Variants in MRPS9 observed in about 807,000 individuals in gnomAD.
MRPS9 encodes the protein small ribosomal subunit protein uS9m.
Under a neutral mutation model 59.9 loss-of-function variants are expected in MRPS9, and 45 were observed. The observed-to-expected ratio is 0.75, with a 90% CI of 0.59 to 0.96. MRPS9 has a LOEUF of 0.96. MRPS9 is among the 40% of genes least tolerant of loss of function. The pLI is 0.00. For missense variants in MRPS9, 473 were observed against 481.1 expected, an observed-to-expected ratio of 0.98 and a Z score of 0.16; for synonymous variants, 171 against 166.8, an observed-to-expected ratio of 1.03 and a Z score of -0.19.
chr2:105,092,019 A>G (rs955969847), intron 7 of MRPS9: 2 of 165,434 alleles, frequency 1.2e-5, no homozygotes, highest in Non-Finnish European at 2.6e-5. Flanking sequence ...ATATTACTAT[A>G]CATAACTTAC....
intron 2 of MRPS9, among the ~76,000 whole-genome samples, chr2:105,052,880 C>T (rs968132991): frequency 6.6e-6 from 1 of 152,098 alleles, no homozygotes; most frequent in African/African-American, 2.4e-5. Flanking sequence ...ATTGAGTTTA[C>T]TACTAAGATG....
intron 1 of MRPS9, among the ~76,000 whole-genome samples, chr2:105,044,881 A>G (rs747067530): frequency 3.9e-5 from 6 of 152,232 alleles, no homozygotes; most frequent in Non-Finnish European, 8.8e-5. Context: ...ACTGTCAAGG[A>G]CATTTAAAAA....
At chr2:105,059,072 G>GTTTT (rs58396321) in intron 2 of MRPS9, among the ~76,000 whole-genome samples, 1 of 138,312 alleles carries the variant, frequency 7.2e-6, no homozygotes, top group Non-Finnish European at 1.6e-5. Context: ...GTTCTGTGGG[G>GTTTT]TTTTTTTTTT....
At position 105,049,318 on chromosome 2, in the gene MRPS9, G is replaced by GATCCAGAA; in HGVS notation, c.285_292dup (p.Thr98IlefsTer30). ...ACATTTAGCCAACATGATGGGAGAA[G>GATCCAGAA]ATCCAGAAACTTTCACTCAAGAAGA... On this transcript the variant is annotated frameshift_variant, in exon 2 of 11. Transcript: ENST00000258455. LOFTEE classifies it high-confidence loss of function. 1.1e-5 allele frequency: 17 copies of GATCCAGAA among 1,611,334 alleles called. No homozygotes were observed. The highest frequency in any genetic ancestry group is 1.4e-5 in the Non-Finnish European group (17 of 1,179,326).
intron 1 of MRPS9, among the ~76,000 whole-genome samples, chr2:105,046,260 C>T (rs890135955): frequency 6.0e-5 from 8 of 134,394 alleles, no homozygotes; most frequent in Middle Eastern, 3.6e-3. Context: ...GTTAAACCTA[C>T]CGCCTTTTGC....
At chr2:105,071,609 AG>A in intron 4 of MRPS9, 120 bp downstream of exon 4, 2 of 893,096 alleles carry the variant, frequency 2.2e-6, no homozygotes, top group Non-Finnish European at 3.5e-6. Flanking sequence ...GTAGTTGTGA[AG>A]TAGGTCAAAA....
At chr2:105,093,200 T>C (rs1312661679) in intron 8 of MRPS9, among the ~76,000 whole-genome samples, 1 of 152,176 alleles carries the variant, frequency 6.6e-6, no homozygotes, top group African/African-American at 2.4e-5. Flanking sequence ...TTACTGTTTA[T>C]AAAAGAAGAA....
chr2:105,095,479 G>A (rs114842261), intron 9 of MRPS9, among the ~76,000 whole-genome samples: 1,590 of 150,500 alleles, frequency 0.011, 24 homozygotes, highest in African/African-American at 0.037. Flanking sequence ...TAGATTTTCA[G>A]TCTGTACATT....
intron 2 of MRPS9, among the ~76,000 whole-genome samples, chr2:105,052,111 A>G (rs1342562312): frequency 2.0e-5 from 3 of 152,168 alleles, no homozygotes; most frequent in Admixed American, 6.5e-5. Flanking sequence ...GGATACCTCT[A>G]TTTCTTTTTC....
intron 2 of MRPS9, among the ~76,000 whole-genome samples, chr2:105,070,569 GT>G (rs1416515694): frequency 1.3e-5 from 2 of 152,144 alleles, no homozygotes; most frequent in Non-Finnish European, 2.9e-5. Flanking sequence ...TGTACATTTT[GT>G]TGTTGTGAGG....
chr2:105,056,592 C>T (rs566801500), intron 2 of MRPS9, among the ~76,000 whole-genome samples: 3 of 152,298 alleles, frequency 2.0e-5, no homozygotes, highest in Non-Finnish European at 4.4e-5. Flanking sequence ...TGAGGCCCTA[C>T]GTGCCCCTCC....
chr2:105,089,480 T>G (rs902720782), intron 6 of MRPS9, among the ~76,000 whole-genome samples: 1 of 152,226 alleles, frequency 6.6e-6, no homozygotes, highest in African/African-American at 2.4e-5. Context: ...TGTTAAATTT[T>G]GGCCTATCTA....
At chr2:105,075,119 T>C (rs1680182917) in intron 4 of MRPS9, among the ~76,000 whole-genome samples, 1 of 152,194 alleles carries the variant, frequency 6.6e-6, no homozygotes. Flanking sequence ...ATCCCTCGCA[T>C]GTGCTGTTCA....
intron 2 of MRPS9, among the ~76,000 whole-genome samples, chr2:105,062,757 G>A (rs73945025): frequency 0.22 from 33,587 of 152,042 alleles, 3,773 homozygotes; most frequent in Middle Eastern, 0.35. Flanking sequence ...TTACTTCCTC[G>A]GTTGCACCAA....
intron 5 of MRPS9, among the ~76,000 whole-genome samples, chr2:105,088,329 A>G (rs1433055663): frequency 1.3e-5 from 2 of 152,272 alleles, no homozygotes; most frequent in East Asian, 3.9e-4. Flanking sequence ...TTCATTGATG[A>G]TCCTTATTGC....
intron 7 of MRPS9, among the ~76,000 whole-genome samples, chr2:105,091,085 T>A (rs1462565153): frequency 6.6e-6 from 1 of 152,226 alleles, no homozygotes; most frequent in East Asian, 1.9e-4. Context: ...GATTTTTTTT[T>A]AATAATTCAG....
chr2:105,047,714 G>T (rs182157416), intron 1 of MRPS9, among the ~76,000 whole-genome samples: 1 of 152,178 alleles, frequency 6.6e-6, no homozygotes, highest in Admixed American at 6.5e-5. Context: ...CCAGCTACGG[G>T]ATGCAGCTGA....
At chr2:105,074,774 A>G (rs1439397151) in intron 4 of MRPS9, among the ~76,000 whole-genome samples, 1 of 152,152 alleles carries the variant, frequency 6.6e-6, no homozygotes, top group Non-Finnish European at 1.5e-5. Flanking sequence ...AAAGAATAAT[A>G]TAATTGCCAC....
At chr2:105,040,693 G>A (rs949707897) in intron 1 of MRPS9, among the ~76,000 whole-genome samples, 2 of 152,154 alleles carry the variant, frequency 1.3e-5, no homozygotes, top group Admixed American at 6.5e-5. Flanking sequence ...CAAATTTGGG[G>A]CAGAAGAGGC....
Sources: allele counts gnomAD v4.1 joint callset (sites outside exome capture counted in the v4.1 genomes callset), GRCh38; gene constraint gnomAD v4.1.1; transcripts MANE v1.5; gene names NCBI Gene and HGNC (gene_info 2026-07-23, HGNC 2026-07-21).